The following PSMD1 variants were observed in gnomAD, a reference collection of about 807,000 sequenced individuals.
PSMD1 encodes the protein 26S proteasome non-ATPase regulatory subunit 1.
In PSMD1, 18 loss-of-function variants were observed where a neutral mutation model predicts 119.0. The ratio of observed to expected loss-of-function variants is 0.15; its 90% CI spans 0.10 to 0.22. PSMD1 has a LOEUF of 0.22. Among genes scored for constraint, PSMD1 ranks in the 10% least tolerant of loss-of-function variants. The pLI is 1.00. For synonymous variants in PSMD1, 374 were observed against 396.6 expected (o/e 0.94, Z 0.68); for missense variants, 702 against 1,158.5 (o/e 0.61, Z 5.72).
chr2:231,096,855 G>A (rs770650133), intron 16 of PSMD1, among the ~76,000 whole-genome samples: 5 of 152,200 alleles, frequency 3.3e-5, no homozygotes, highest in African/African-American at 7.2e-5. Flanking sequence ...GCGCTTTGGC[G>A]GGAGTCAGGG....
chr2:231,079,731 A>G, intron 11 of PSMD1, 117 bp downstream of exon 11: 2 of 620,792 alleles, frequency 3.2e-6, no homozygotes, highest in East Asian at 6.0e-5. Flanking sequence ...AAGTCAGATA[A>G]GTCATTTTGT....
At chr2:231,165,344 G>T (rs1330540548) in intron 22 of PSMD1, 58 bp downstream of exon 22, 4 of 1,487,392 alleles carry the variant, frequency 2.7e-6, no homozygotes, top group East Asian at 2.6e-5. Context: ...TCATGGTCGA[G>T]ATTCTTCCTT....
chr2:231,135,539 T>C (rs556794721), intron 16 of PSMD1, among the ~76,000 whole-genome samples: 1 of 152,268 alleles, frequency 6.6e-6, no homozygotes, highest in South Asian at 2.1e-4. Context: ...TATAACTTAC[T>C]GTTATTTTTC....
chr2:231,104,454 G>A (rs967696221), intron 16 of PSMD1, among the ~76,000 whole-genome samples: 16 of 152,010 alleles, frequency 1.1e-4, no homozygotes, highest in Non-Finnish European at 2.1e-4. Flanking sequence ...TAAGAAGTGG[G>A]AACTGGAAAA....
chr2:231,063,718 G>A (rs1021462177), intron 4 of PSMD1, among the ~76,000 whole-genome samples: 4 of 152,236 alleles, frequency 2.6e-5, no homozygotes, highest in Admixed American at 1.3e-4. Context: ...CCAGTGGGAA[G>A]AACTGATGGC....
At chr2:231,161,193 T>C in intron 19 of PSMD1, 147 bp from the exon 20 acceptor site, 1 of 750,400 alleles carries the variant, frequency 1.3e-6, no homozygotes, top group South Asian at 2.1e-5. Context: ...GTGCAGTGTT[T>C]CACTCTGTCA....
chr2:231,064,525 G>T (rs1014331685), intron 4 of PSMD1, among the ~76,000 whole-genome samples: 1 of 152,156 alleles, frequency 6.6e-6, no homozygotes, highest in Non-Finnish European at 1.5e-5. Flanking sequence ...TAATTTTGAG[G>T]TTCCTCTCTG....
At chr2:231,098,618 T>A (rs774579436) in intron 16 of PSMD1, among the ~76,000 whole-genome samples, 1 of 152,002 alleles carries the variant, frequency 6.6e-6, no homozygotes, top group African/African-American at 2.4e-5. Flanking sequence ...CAGCCACTTA[T>A]GCTGCTGTTC....
At chr2:231,075,846 G>A (rs1211561228) in intron 8 of PSMD1, among the ~76,000 whole-genome samples, 2 of 152,176 alleles carry the variant, frequency 1.3e-5, no homozygotes, top group African/African-American at 4.8e-5. Context: ...GCCTCCCAGA[G>A]TGCTGGGATT....
chr2:231,144,238 AAG>A (rs1403519682), intron 17 of PSMD1, among the ~76,000 whole-genome samples: 2 of 151,198 alleles, frequency 1.3e-5, no homozygotes, highest in African/African-American at 4.8e-5. Context: ...TAATATTTGA[AAG>A]AGGTTTGTTT....
In PSMD1 at chr2:231,170,110, A is replaced by T. The variant is rs1696881114; in HGVS notation, c.2716-456A>T. Among the ~76,000 whole-genome samples, 1 of 152,204 alleles carries T rather than the reference A, an allele frequency of 6.6e-6. No homozygotes were observed. The highest frequency in any genetic ancestry group is 2.4e-5 in the African/African-American group (1 of 41,446). Reference sequence around the variant, plus strand: ...TCAAACTTCAGTGTGCATCAGATTGACTGGGATCTTGTTAGAATGCAGATT... The same window carrying T: ...TCAAACTTCAGTGTGCATCAGATTGTCTGGGATCTTGTTAGAATGCAGATT... On this transcript the variant is annotated intron_variant, in intron 23 of 24. Coordinates refer to ENST00000308696, the MANE Select transcript of PSMD1 (RefSeq NM_002807.4). This position sits in a 1 kb window ranked among gnomAD's most constrained non-coding sequence, Gnocchi z 4.1.
intron 16 of PSMD1, among the ~76,000 whole-genome samples, chr2:231,095,104 A>C (rs80062602): frequency 6.6e-6 from 1 of 152,202 alleles, no homozygotes; most frequent in Non-Finnish European, 1.5e-5. Context: ...ATTTGGGTCT[A>C]TGCGATTTAG....
intron 16 of PSMD1, among the ~76,000 whole-genome samples, chr2:231,105,923 G>C (rs1472699021): frequency 6.7e-6 from 1 of 148,884 alleles, no homozygotes; most frequent in Non-Finnish European, 1.5e-5. Context: ...CTGTCTGGGT[G>C]CTTGACTTTT....
rs1693607671 is a variant in PSMD1 at position 231,056,970 on chromosome 2, A to C, written c.-56A>C. 6.5e-7 allele frequency: 1 copy of C among 1,539,550 alleles called. No individual in the cohort carries two copies. Among genetic ancestry groups the C allele is most frequent in the Non-Finnish European group, 8.7e-7 (1 of 1,143,962 alleles). On this transcript the variant is annotated 5_prime_UTR_variant, in exon 1 of 25. Coordinates refer to ENST00000308696, the MANE Select transcript of PSMD1 (RefSeq NM_002807.4). ...AACTGAGCGGCCCCTGAGCTGACAG[A>C]TACACTGCGCAGCTGGAACGGCGAG...
Position 231,149,835 on chromosome 2 carries a change from A to T in PSMD1, c.2115+3479A>T, listed in dbSNP as rs192128019. 5.9e-5 allele frequency among the ~76,000 whole-genome samples: 9 copies of T among 152,374 alleles called. No homozygotes were observed. In the South Asian group the frequency reaches 1.7e-3, roughly 28 times the overall value. On this transcript the variant is annotated intron_variant, in intron 18 of 24. Coordinates refer to ENST00000308696, the MANE Select transcript of PSMD1 (RefSeq NM_002807.4). ...TACAGAAACTACTCTAAGCAAATTA[A>T]TGCTGATAAAATTGAGGAGGGAGCT...
rs74656974 is a variant in PSMD1 at position 231,057,232 on chromosome 2, G to C, written c.16+191G>C. Among the ~76,000 whole-genome samples the C allele has an allele frequency of 5.1e-3, 778 of 152,200 alleles. 19 individuals are homozygous for C. Among genetic ancestry groups the C allele is most frequent in the South Asian group, 0.048 (234 of 4,828 alleles). On this transcript the variant is annotated intron_variant, in intron 1 of 24. Coordinates refer to ENST00000308696, the MANE Select transcript of PSMD1 (RefSeq NM_002807.4). ...GTCACTGCGTGCTTCTCTGGCTTGA[G>C]GGAATCGAGCCGGGTCGACCGCCTC...
chr2:231,079,409 T>G (rs1694253600), intron 10 of PSMD1, 127 bp from the exon 11 acceptor site: 1 of 515,958 alleles, frequency 1.9e-6, no homozygotes, highest in Non-Finnish European at 3.4e-6. Flanking sequence ...CAGTAGTAAC[T>G]TGAGATCCAC....
intron 12 of PSMD1, 96 bp from the exon 13 acceptor site, chr2:231,082,787 G>T (rs1373883913): frequency 1.2e-6 from 1 of 868,798 alleles, no homozygotes; most frequent in Non-Finnish European, 1.8e-6. Flanking sequence ...GCCAACCTCT[G>T]CATATTTAAT....
intron 16 of PSMD1, among the ~76,000 whole-genome samples, chr2:231,110,018 T>A (rs1029724503): frequency 9.9e-5 from 15 of 152,228 alleles, no homozygotes; most frequent in Middle Eastern, 3.2e-3. Context: ...GTTCTTAATC[T>A]TTCTTCTTCT....
Sources: allele counts gnomAD v4.1 joint callset (sites outside exome capture counted in the v4.1 genomes callset), GRCh38; gene constraint gnomAD v4.1.1; non-coding constraint Gnocchi (gnomAD v3.1); transcripts MANE v1.5; gene names NCBI Gene and HGNC (gene_info 2026-07-23, HGNC 2026-07-21).